KLHL20: variants seen among roughly 807,000 people sequenced by gnomAD.
The protein encoded by KLHL20 is kelch-like protein 20.
KLHL20 carries 29 observed loss-of-function variants against 69.5 expected under a neutral mutation model. The ratio of observed to expected loss-of-function variants is 0.42; its 90% CI spans 0.31 to 0.57. The LOEUF (loss-of-function observed/expected upper bound fraction) is 0.57, where lower values mean the gene tolerates loss of function less well. KLHL20 is among the 20% of genes least tolerant of loss of function. The pLI, the probability that KLHL20 is intolerant of heterozygous loss-of-function variation, is 0.18. For synonymous variants in KLHL20, 253 were observed against 265.2 expected, an observed-to-expected ratio of 0.95 and a Z score of 0.45; for missense variants, 419 against 776.0, an observed-to-expected ratio of 0.54 and a Z score of 5.47.
chr1:173,735,218 G>A (rs1476362490), intron 3 of KLHL20, among the ~76,000 whole-genome samples: 1 of 152,156 alleles, frequency 6.6e-6, no homozygotes, highest in Non-Finnish European at 1.5e-5. Context: ...GGCTGAGGCG[G>A]GCAGATTGCA....
chr1:173,750,209 A>G (rs1191127119), intron 3 of KLHL20, among the ~76,000 whole-genome samples: 1 of 152,228 alleles, frequency 6.6e-6, no homozygotes, highest in East Asian at 1.9e-4. Context: ...AAATTGAAGC[A>G]TTCATTATTA....
intron 7 of KLHL20, among the ~76,000 whole-genome samples, chr1:173,759,402 C>G (rs554960695): frequency 5.3e-5 from 8 of 152,122 alleles, no homozygotes; most frequent in Non-Finnish European, 7.4e-5. Context: ...CTGGAAAGCA[C>G]CACCTCCTGG....
At chr1:173,736,693 T>C (rs550564067) in intron 3 of KLHL20, among the ~76,000 whole-genome samples, 5 of 151,940 alleles carry the variant, frequency 3.3e-5, no homozygotes, top group Admixed American at 6.6e-5. Context: ...CCTCCCGGGT[T>C]CAAGCGATTC....
At chr1:173,724,779 TGG>T (rs1449062957) in intron 2 of KLHL20, among the ~76,000 whole-genome samples, 1 of 152,196 alleles carries the variant, frequency 6.6e-6, no homozygotes, top group Non-Finnish European at 1.5e-5. Flanking sequence ...TATTCCAGCC[TGG>T]GTGACAGAGC....
rs186537055 is a variant in KLHL20 at position 173,774,210 on chromosome 1, C to T, written c.1296-95C>T. On this transcript the variant is annotated intron_variant, in intron 8 of 11. Coordinates refer to ENST00000209884, the MANE Select transcript of KLHL20 (RefSeq NM_014458.4). ...ATTGCACATTTGACTATAGCAAGTC[C>T]GTGTACTCAGTATATCGTTAGTGTG... is the stretch of plus-strand genomic sequence containing the variant. 590 of 1,413,146 alleles carry T rather than the reference C, an allele frequency of 4.2e-4. 3 individuals are homozygous for T. The African/African-American group carries it at 6.7e-3, about 16-fold the overall frequency. 87.5% of individuals were successfully genotyped at this position (1,413,146 alleles called of 1,614,324 possible). A position where few individuals can be genotyped will look rare whatever the true frequency, so the allele number is the denominator to read the frequency against.
intron 10 of KLHL20, among the ~76,000 whole-genome samples, chr1:173,778,090 A>C (rs1648592843): frequency 6.6e-6 from 1 of 151,842 alleles, no homozygotes; most frequent in Admixed American, 6.6e-5. Flanking sequence ...TTATACTTTA[A>C]GTTCTAGGGT....
At chr1:173,722,246 C>T (rs1671747056) in intron 2 of KLHL20, among the ~76,000 whole-genome samples, 1 of 151,972 alleles carries the variant, frequency 6.6e-6, no homozygotes, top group South Asian at 2.1e-4. Context: ...CCACCATGCC[C>T]AGCTAGCTTT....
rs1043098445 is a variant in KLHL20 at position 173,718,545 on chromosome 1, CAA to C, written c.23+2494_23+2495del. Among the ~76,000 whole-genome samples the C allele has an allele frequency of 3.0e-3, 305 of 101,436 alleles. 1 individual carries two copies. Among genetic ancestry groups the C allele is most frequent in the African/African-American group, 9.5e-3 (258 of 27,110 alleles). 66.5% of individuals were successfully genotyped at this position (101,436 alleles called of 152,430 possible). A position where few individuals can be genotyped will look rare whatever the true frequency, so the allele number is the denominator to read the frequency against. ...TGGGCAACAGAGCAAGACAGTGTCT[CAA>C]AAAAAAAAAAAAAAGACACAAATGT... On this transcript the variant is annotated intron_variant, in intron 2 of 11. Transcript: ENST00000209884.
intron 3 of KLHL20, among the ~76,000 whole-genome samples, chr1:173,735,936 C>CTTTTTT (rs769632286): frequency 5.6e-4 from 59 of 105,986 alleles, no homozygotes; most frequent in East Asian, 8.8e-4. Context: ...GCCATTCTAT[C>CTTTTTT]TTTTTTTTTT....
At chr1:173,780,035 CAG>C (rs1299782803) in intron 10 of KLHL20, among the ~76,000 whole-genome samples, 3 of 152,280 alleles carry the variant, frequency 2.0e-5, no homozygotes, top group Admixed American at 6.5e-5. Flanking sequence ...ACATCCACAA[CAG>C]GAAGGAGAAG....
intron 8 of KLHL20, among the ~76,000 whole-genome samples, chr1:173,773,402 C>A (rs1648232783): frequency 6.6e-6 from 1 of 150,524 alleles, no homozygotes; most frequent in Admixed American, 6.6e-5. Flanking sequence ...GTTAACACAG[C>A]AAGACCCCTA....
intron 3 of KLHL20, among the ~76,000 whole-genome samples, chr1:173,746,995 C>T (rs1415847835): frequency 6.6e-6 from 1 of 151,046 alleles, no homozygotes; most frequent in Non-Finnish European, 1.5e-5. Flanking sequence ...TTTTTAATTT[C>T]TAGATGGAAG....
At chr1:173,778,991 G>T (rs1648670886) in intron 10 of KLHL20, among the ~76,000 whole-genome samples, 1 of 151,186 alleles carries the variant, frequency 6.6e-6, no homozygotes, top group South Asian at 2.1e-4. Flanking sequence ...TTCTCATTTT[G>T]GATTTGGTTT....
chr1:173,769,912 T>G (rs115178026), intron 8 of KLHL20, among the ~76,000 whole-genome samples: 2,324 of 151,252 alleles, frequency 0.015, 25 homozygotes, highest in Non-Finnish European at 0.025. Flanking sequence ...TACAAAAAAA[T>G]TTAAGTAATA....
At chr1:173,758,278 A>G (rs1274678255) in intron 7 of KLHL20, among the ~76,000 whole-genome samples, 2 of 152,090 alleles carry the variant, frequency 1.3e-5, no homozygotes, top group East Asian at 1.9e-4. Flanking sequence ...CAAAAAAAAA[A>G]AGAAAAAGAA....
intron 2 of KLHL20, 82 bp from the exon 3 acceptor site, chr1:173,733,631 G>A (rs550679237): frequency 1.1e-5 from 13 of 1,164,388 alleles, no homozygotes; most frequent in African/African-American, 4.7e-5. Flanking sequence ...TTTCCTTATC[G>A]CTTGAATTAC....
chr1:173,778,113 A>T (rs9662213), intron 10 of KLHL20, among the ~76,000 whole-genome samples: 5 of 152,108 alleles, frequency 3.3e-5, no homozygotes, highest in Admixed American at 2.0e-4. Flanking sequence ...ATGTGCACAA[A>T]GTGCAGGTTT....
Position 173,753,236 on chromosome 1 carries a change from T to C in KLHL20, c.780T>C (p.Pro260=), listed in dbSNP as rs544719253. 2 of 1,613,962 alleles carry C rather than the reference T, an allele frequency of 1.2e-6. No homozygotes were observed. Among genetic ancestry groups the C allele is most frequent in the African/African-American group, 2.7e-5 (2 of 75,042 alleles). ...AGGTGCTGCAGCATGTTCGTTTGCC[T>C]TTGCTTAGTCCCAAGTTCCTGGTCG... is the stretch of plus-strand genomic sequence containing the variant. ...LPQVLQHVRL[P]LLSPKFLVGT... Residue 260 remains proline (P), a synonymous_variant, in exon 5 of 12, where the codon CCT becomes CCC. Transcript: ENST00000209884.
At chr1:173,748,142 T>A (rs945401511) in intron 3 of KLHL20, among the ~76,000 whole-genome samples, 2 of 151,996 alleles carry the variant, frequency 1.3e-5, no homozygotes, top group African/African-American at 2.4e-5. Context: ...TAACCCTATA[T>A]CTATGAAATA....
Sources: gnomAD v4.1 joint callset for allele counts (sites outside exome capture counted in the v4.1 genomes callset) on GRCh38, gnomAD v4.1.1 for gene constraint, MANE v1.5 for transcripts, NCBI Gene and HGNC (gene_info 2026-07-23, HGNC 2026-07-21) for gene names.